Variants in REDIC1 observed in about 807,000 individuals in gnomAD.
The protein encoded by REDIC1 is regulator of DNA class I crossover intermediates 1, also known as HEI10 Interacting Protein 1.
the REDIC1 span, among the ~76,000 whole-genome samples, chr12:39,699,858 G>T: frequency 1.3e-5 from 2 of 151,962 alleles, no homozygotes; most frequent in African/African-American, 2.4e-5. Context: ...AGCCGGGTAT[G>T]CCAACAGATC....
At chr12:39,669,089 C>A in the REDIC1 span, among the ~76,000 whole-genome samples, 2 of 152,206 alleles carry the variant, frequency 1.3e-5, no homozygotes, top group South Asian at 4.1e-4. Context: ...TGTTCCCTTG[C>A]TGGTGAGGAG....
At chr12:39,655,100 C>T in the REDIC1 span, among the ~76,000 whole-genome samples, 4 of 151,962 alleles carry the variant, frequency 2.6e-5, no homozygotes, top group African/African-American at 7.3e-5. Context: ...TCTAGATATG[C>T]ATTCTCTCTC....
the REDIC1 span, among the ~76,000 whole-genome samples, chr12:39,905,980 C>T: frequency 3.3e-5 from 5 of 151,694 alleles, no homozygotes; most frequent in Non-Finnish European, 7.4e-5. Flanking sequence ...ATTTTGTTTC[C>T]CTATTGAAAT....
At chr12:39,726,147 T>A in the REDIC1 span, among the ~76,000 whole-genome samples, 1 of 151,848 alleles carries the variant, frequency 6.6e-6, no homozygotes, top group South Asian at 2.1e-4. Flanking sequence ...CTCCTCCTCT[T>A]CCTCCTCTTC....
the REDIC1 span, among the ~76,000 whole-genome samples, chr12:39,664,352 T>C: frequency 6.6e-6 from 1 of 152,072 alleles, no homozygotes; most frequent in Non-Finnish European, 1.5e-5. Context: ...TGCGCTAGTT[T>C]GCTGAGAATG....
the REDIC1 span, among the ~76,000 whole-genome samples, chr12:39,780,062 G>C: frequency 6.6e-6 from 1 of 152,196 alleles, no homozygotes; most frequent in African/African-American, 2.4e-5. Flanking sequence ...ATGTCCTTGA[G>C]TAGATGTAAA....
At chr12:39,821,985 T>C in the REDIC1 span, among the ~76,000 whole-genome samples, 21 of 152,162 alleles carry the variant, frequency 1.4e-4, no homozygotes, top group East Asian at 3.9e-3. Context: ...TAGTTACATA[T>C]GTATACATGT....
the REDIC1 span, among the ~76,000 whole-genome samples, chr12:39,772,618 GAAGA>G: frequency 6.6e-6 from 1 of 151,990 alleles, no homozygotes; most frequent in African/African-American, 2.4e-5. Flanking sequence ...AAAAAGAGAA[GAAGA>G]AAGAAAAAAG....
the REDIC1 span, among the ~76,000 whole-genome samples, chr12:39,740,468 A>G: frequency 6.6e-6 from 1 of 152,198 alleles, no homozygotes; most frequent in African/African-American, 2.4e-5. Flanking sequence ...GGAAATAGGC[A>G]TTTATTTTCA....
chr12:39,683,871 G>T, the REDIC1 span, among the ~76,000 whole-genome samples: 300 of 152,246 alleles, frequency 2.0e-3, 1 homozygote, highest in African/African-American at 6.9e-3. Flanking sequence ...ACAGCTCTCA[G>T]TGGGAAGGTT....
chr12:39,713,669 A>G, the REDIC1 span, among the ~76,000 whole-genome samples: 25 of 149,726 alleles, frequency 1.7e-4, no homozygotes, highest in African/African-American at 6.1e-4. Context: ...GCGTATATAC[A>G]TATGTATGTA....
chr12:39,735,821 A>G, the REDIC1 span, among the ~76,000 whole-genome samples: 1 of 152,344 alleles, frequency 6.6e-6, no homozygotes, highest in Non-Finnish European at 1.5e-5. Flanking sequence ...ATGCTTTCCT[A>G]TAGCAACCTT....
chr12:39,709,936 C>A, the REDIC1 span, among the ~76,000 whole-genome samples: 3 of 151,754 alleles, frequency 2.0e-5, no homozygotes, highest in African/African-American at 7.3e-5. Context: ...TATATTTCCA[C>A]CAGCAGTGCA....
the REDIC1 span, among the ~76,000 whole-genome samples, chr12:39,787,978 G>C: frequency 6.6e-6 from 1 of 152,118 alleles, no homozygotes; most frequent in Non-Finnish European, 1.5e-5. Context: ...TTCTATCATA[G>C]AAATTTGGCC....
chr12:39,710,127 C>T, the REDIC1 span, among the ~76,000 whole-genome samples: 3 of 151,704 alleles, frequency 2.0e-5, no homozygotes, highest in Admixed American at 6.6e-5. Context: ...ATAAATTCCA[C>T]CAAGTCCTGA....
At chr12:39,892,046 T>A in the REDIC1 span, among the ~76,000 whole-genome samples, 1,773 of 152,320 alleles carry the variant, frequency 0.012, 29 homozygotes, top group African/African-American at 0.039. Flanking sequence ...GAAGAGAAGA[T>A]CTATTAGGTA....
chr12:39,751,448 TTGG>T, the REDIC1 span, among the ~76,000 whole-genome samples: 1 of 152,208 alleles, frequency 6.6e-6, no homozygotes, highest in Non-Finnish European at 1.5e-5. Context: ...TTTTACACTG[TTGG>T]TGGGACTGTA....
chr12:39,709,708 C>T, the REDIC1 span, among the ~76,000 whole-genome samples: 14 of 151,652 alleles, frequency 9.2e-5, no homozygotes, highest in Middle Eastern at 6.8e-3. Flanking sequence ...TTCAATTGTA[C>T]GTGTATGCCA....
At chr12:39,703,115 A>T in the REDIC1 span, among the ~76,000 whole-genome samples, 1 of 152,170 alleles carries the variant, frequency 6.6e-6, no homozygotes, top group Non-Finnish European at 1.5e-5. Flanking sequence ...AATAAAGGGG[A>T]TTATATTAGG....
Sources: allele counts gnomAD v4.1 joint callset (sites outside exome capture counted in the v4.1 genomes callset), GRCh38; gene constraint gnomAD v4.1.1; transcripts MANE v1.5; gene names NCBI Gene and HGNC (gene_info 2026-07-23, HGNC 2026-07-21).